MICAL3: variants seen among roughly 807,000 people sequenced by gnomAD.
The protein encoded by MICAL3 is microtubule associated monooxygenase, calponin and LIM domain containing 3.
MICAL3 carries 62 observed loss-of-function variants against 207.4 expected under a neutral mutation model. The observed-to-expected ratio is 0.30, with a 90% CI of 0.24 to 0.37. The LOEUF (loss-of-function observed/expected upper bound fraction) is 0.37, where lower values mean the gene tolerates loss of function less well. Among genes scored for constraint, MICAL3 ranks in the 10% least tolerant of loss-of-function variants. MICAL3 has a pLI of 1.00. For synonymous variants in MICAL3, 1,077 were observed against 1,069.3 expected, an observed-to-expected ratio of 1.01 and a Z score of -0.14; for missense variants, 2,368 against 2,635.6, an observed-to-expected ratio of 0.90 and a Z score of 2.22.
At chr22:17,861,945 TGGCAACAGCAA>T in intron 19 of MICAL3, 4 of 985,362 alleles carry the variant, frequency 4.1e-6, no homozygotes, top group Non-Finnish European at 4.8e-6. Context: ...GTTTTTGTTT[TGGCAACAGCAA>T]GAATTTTGGC....
intron 19 of MICAL3, among the ~76,000 whole-genome samples, chr22:17,846,490 G>A (rs1924642466): frequency 6.6e-6 from 1 of 152,204 alleles, no homozygotes. Flanking sequence ...GAATCAGGCG[G>A]TGATGAGAAA....
Position 17,841,420 on chromosome 22 carries a change from T to G in MICAL3, c.2801+402A>C. 2 of 347,384 alleles carry G rather than the reference T, an allele frequency of 5.8e-6. No homozygotes were observed. Among genetic ancestry groups the G allele is most frequent in the Admixed American group, 8.4e-5 (2 of 23,716 alleles). 21.5% of individuals were successfully genotyped at this position (347,384 alleles called of 1,614,324 possible). A position where few individuals can be genotyped will look rare whatever the true frequency, so the allele number is the denominator to read the frequency against. On this transcript the variant is annotated intron_variant, in intron 20 of 31. Transcript: ENST00000441493. This position sits in a 1 kb window ranked among gnomAD's most constrained non-coding sequence, Gnocchi z 4.2. ...TCTTTACCTACAGGAGAAAAAAAGA[T>G]GCCTGGGGGACGGACTAGGCCTCCC...
chr22:17,901,911 T>C lies in MICAL3; in HGVS notation c.658A>G (p.Ile220Val), dbSNP rs1602182898. ...GTGTTCCTCCGACCATCCCCACCGA[T>C]GATCACTTCAAATTCATACTCTGAC... ...PVSEYEFEVI[I>V]GGDGRRNTLE... Residue 220 changes from isoleucine (I) to valine (V), a missense_variant, in exon 5 of 32, where the codon ATC becomes GTC. Ile to Val is a conservative substitution (Grantham distance 29). This residue lies in a region of MICAL3 where 400 missense variants were observed against 547.0 expected (regional missense o/e 0.73). Transcript: ENST00000441493. 1.2e-6 allele frequency: 2 copies of C among 1,613,682 alleles called. No individual in the cohort carries two copies.
At chr22:17,984,171 C>G (rs1936050526) in intron 1 of MICAL3, among the ~76,000 whole-genome samples, 1 of 152,124 alleles carries the variant, frequency 6.6e-6, no homozygotes, top group Non-Finnish European at 1.5e-5. Context: ...TGTTTCTGCC[C>G]CACTCTCAAC....
At chr22:17,844,979 C>T (rs1015525076) in intron 19 of MICAL3, among the ~76,000 whole-genome samples, 1 of 152,176 alleles carries the variant, frequency 6.6e-6, no homozygotes, top group African/African-American at 2.4e-5. Flanking sequence ...TTCTCCTCAT[C>T]AAAATCCATG....
rs1227676171 is a variant in MICAL3 at position 17,896,996 on chromosome 22, AGAG to A, written c.949-18_949-16del. ...TCGGCGTAGTCCTGTCTCCAGAGAA[AGAG>A]GAGGGTAGGGATGGAGAAGCTCTGG... On this transcript the variant is annotated splice_polypyrimidine_tract_variant and intron_variant, in intron 7 of 31. Coordinates refer to ENST00000441493, the MANE Select transcript of MICAL3 (RefSeq NM_015241.3). The A allele has an allele frequency of 2.5e-6, 4 of 1,602,412 alleles. No homozygotes were observed. The highest frequency in any genetic ancestry group is 1.3e-5 in the African/African-American group (1 of 74,610).
chr22:17,944,686 A>G (rs1469083160), intron 1 of MICAL3, among the ~76,000 whole-genome samples: 1 of 152,092 alleles, frequency 6.6e-6, no homozygotes, highest in Non-Finnish European at 1.5e-5. Context: ...AGGGCACTAC[A>G]CCCTTTCACG....
Position 17,877,160 on chromosome 22 carries a change from T to G in MICAL3, c.2242-5137A>C, listed in dbSNP as rs1418977198. On this transcript the variant is annotated intron_variant, in intron 16 of 31. Transcript: ENST00000441493. ...GGGAGGTTATGGAGGTTAGGGAGGT[T>G]ATGGAGGTTAGGGAGGTTAGGGAAG... is the stretch of plus-strand genomic sequence containing the variant. 2.9e-3 allele frequency among the ~76,000 whole-genome samples: 317 copies of G among 109,906 alleles called. 1 individual carries two copies. Among genetic ancestry groups the G allele is most frequent in the African/African-American group, 9.2e-3 (249 of 27,156 alleles). 72.1% of individuals were successfully genotyped at this position (109,906 alleles called of 152,430 possible). A position where few individuals can be genotyped will look rare whatever the true frequency, so the allele number is the denominator to read the frequency against.
intron 1 of MICAL3, among the ~76,000 whole-genome samples, chr22:17,944,790 T>C (rs1216330604): frequency 6.6e-6 from 1 of 151,938 alleles, no homozygotes; most frequent in Non-Finnish European, 1.5e-5. Context: ...GGCTGCTGGG[T>C]CCTCCAACAG....
intron 11 of MICAL3, among the ~76,000 whole-genome samples, chr22:17,891,867 C>A (rs1930419135): frequency 6.6e-6 from 1 of 152,242 alleles, no homozygotes; most frequent in East Asian, 1.9e-4. Flanking sequence ...AGGTCAACGT[C>A]CACCCCCCAG....
At chr22:17,859,000 G>A (rs1926228444) in intron 19 of MICAL3, among the ~76,000 whole-genome samples, 1 of 152,186 alleles carries the variant, frequency 6.6e-6, no homozygotes, top group African/African-American at 2.4e-5. Flanking sequence ...CCCTTCTGCA[G>A]GCACTAGGAT....
In MICAL3 at chr22:17,818,203, GACC is replaced by G. The variant is rs758812491; in HGVS notation, c.4455_4457del (p.Val1486del). 49 of 1,543,272 alleles carry G rather than the reference GACC, an allele frequency of 3.2e-5. No individual in the cohort carries two copies. In the African/African-American group the frequency reaches 5.1e-4, roughly 16 times the overall value. On this transcript the variant is annotated inframe_deletion, in exon 26 of 32. Transcript: ENST00000441493. ...TCCAGGTGGCGGGCAAGGGCGGCGG[GACC>G]ACCGAGGCATTGGGCTCGGCCTCCC...
intron 16 of MICAL3, chr22:17,872,657 G>A (rs1199507554): frequency 2.5e-6 from 2 of 810,426 alleles, no homozygotes; most frequent in East Asian, 5.0e-5. Context: ...GCATACACGG[G>A]CTATGCAAGC....
intron 1 of MICAL3, among the ~76,000 whole-genome samples, chr22:18,015,422 C>CT (rs34098867): frequency 0.081 from 8,548 of 105,440 alleles, 790 homozygotes; most frequent in African/African-American, 0.11. Context: ...TAAGACTCAT[C>CT]TTTTTTTTTT....
In MICAL3 at chr22:17,818,419, G is replaced by GCTGCGTAGCTCT. The variant is rs1569078320; in HGVS notation, c.4230_4241dup (p.Arg1410_Arg1413dup). On this transcript the variant is annotated inframe_insertion, in exon 26 of 32. Coordinates refer to ENST00000441493, the MANE Select transcript of MICAL3 (RefSeq NM_015241.3). ...ACAGCTCCCTGCGCTCCTCCTGGGCGCTGCGTAGCTCTCTGTCGGACGGGG... is the reference window on the plus strand; with the variant it reads ...ACAGCTCCCTGCGCTCCTCCTGGGCGCTGCGTAGCTCTCTGCGTAGCTCTCTGTCGGACGGGG... 1 of 1,612,214 alleles carries GCTGCGTAGCTCT rather than the reference G, an allele frequency of 6.2e-7. No homozygotes were observed. The highest frequency in any genetic ancestry group is 8.5e-7 in the Non-Finnish European group (1 of 1,179,864).
At chr22:17,978,067 T>C (rs958553983) in intron 1 of MICAL3, among the ~76,000 whole-genome samples, 2 of 151,446 alleles carry the variant, frequency 1.3e-5, no homozygotes, top group Admixed American at 6.6e-5. Flanking sequence ...TAAAAAAATA[T>C]ACACCTACAC....
At chr22:18,021,785 C>G (rs1478253728) in intron 1 of MICAL3, among the ~76,000 whole-genome samples, 1 of 152,138 alleles carries the variant, frequency 6.6e-6, no homozygotes, top group Admixed American at 6.5e-5. Context: ...GTGGCCCTGG[C>G]ACATTAAGCT....
At chr22:17,888,038 G>T (rs9605424) in intron 13 of MICAL3, among the ~76,000 whole-genome samples, 1 of 152,170 alleles carries the variant, frequency 6.6e-6, no homozygotes, top group Non-Finnish European at 1.5e-5. Flanking sequence ...GGATTTCAAT[G>T]TTTCATTAGT....
At chr22:17,819,255 AGCTGT>A (rs2146010448) in intron 25 of MICAL3, 126 bp from the exon 26 acceptor site, 1 of 989,078 alleles carries the variant, frequency 1.0e-6, no homozygotes, top group East Asian at 3.0e-5. Context: ...CCGTCCTTCC[AGCTGT>A]TATTAGAACA....
Sources: allele counts gnomAD v4.1 joint callset (sites outside exome capture counted in the v4.1 genomes callset), GRCh38; gene constraint gnomAD v4.1.1; regional missense constraint gnomAD v4.1.1; non-coding constraint Gnocchi (gnomAD v3.1); transcripts MANE v1.5; gene names NCBI Gene and HGNC (gene_info 2026-07-23, HGNC 2026-07-21).